WDR19: variants seen among roughly 807,000 people sequenced by gnomAD.
WDR19 encodes WD repeat-containing protein 19.
Under a neutral mutation model 180.0 loss-of-function variants are expected in WDR19, and 121 were observed. That is an observed-to-expected ratio of 0.67 (90% CI 0.58 to 0.78). The LOEUF (loss-of-function observed/expected upper bound fraction) is 0.78, where lower values mean the gene tolerates loss of function less well. Among genes scored for constraint, WDR19 ranks in the 30% least tolerant of loss-of-function variants. The probability of loss-of-function intolerance (pLI) is 0.00; values close to 1 mark genes in which losing one functional copy is unlikely to be tolerated. For missense variants in WDR19, 1,450 were observed against 1,640.7 expected (o/e 0.88, Z 2.01); for synonymous variants, 497 against 540.7 (o/e 0.92, Z 1.12).
chr4:39,239,094 T>C (rs1018628681), intron 20 of WDR19, among the ~76,000 whole-genome samples: 5 of 151,918 alleles, frequency 3.3e-5, no homozygotes, highest in Non-Finnish European at 7.4e-5. Context: ...CTCCTGCCCT[T>C]AGCCTCCCGA....
At chr4:39,270,483 C>G (rs1433595709) in intron 31 of WDR19, among the ~76,000 whole-genome samples, 1 of 152,188 alleles carries the variant, frequency 6.6e-6, no homozygotes, top group East Asian at 1.9e-4. Context: ...TCAAGCAATT[C>G]TTCTGCCTCA....
intron 36 of WDR19, among the ~76,000 whole-genome samples, chr4:39,282,340 A>G (rs763298289): frequency 9.2e-5 from 14 of 152,158 alleles, no homozygotes; most frequent in Admixed American, 2.0e-4. Flanking sequence ...ATCTATGAAT[A>G]TGGTATATCT....
intron 15 of WDR19, among the ~76,000 whole-genome samples, chr4:39,226,301 G>A (rs1306758457): frequency 6.6e-6 from 1 of 152,146 alleles, no homozygotes; most frequent in East Asian, 1.9e-4. Context: ...TCTTTTTCTT[G>A]ATAATTTCTG....
At chr4:39,214,773 ATTTT>A (rs372720511) in intron 10 of WDR19, 102 bp downstream of exon 10, 52 of 504,194 alleles carry the variant, frequency 1.0e-4, no homozygotes, top group Middle Eastern at 7.1e-4. Flanking sequence ...AGGAGGAATA[ATTTT>A]TTTTTTTTTT....
At chr4:39,213,294 T>C (rs1479284003) in intron 9 of WDR19, among the ~76,000 whole-genome samples, 3 of 152,224 alleles carry the variant, frequency 2.0e-5, no homozygotes, top group Non-Finnish European at 4.4e-5. Context: ...TGAATGTTTA[T>C]AGCAACTTTA....
intron 5 of WDR19, among the ~76,000 whole-genome samples, chr4:39,197,138 A>G (rs1577850051): frequency 1.3e-5 from 2 of 152,310 alleles, no homozygotes; most frequent in South Asian, 4.1e-4. Context: ...AGTAAGGAAT[A>G]GAAAGGTTGG....
chr4:39,265,370 C>T (rs1469961597), intron 28 of WDR19, among the ~76,000 whole-genome samples: 1 of 152,120 alleles, frequency 6.6e-6, no homozygotes, highest in Non-Finnish European at 1.5e-5. Flanking sequence ...AAGTACATTT[C>T]CTCAGGGAGC....
rs80232991 is a variant in WDR19, at chr4:39,267,807, A to G, written c.3262-188A>G. 7.7e-3 allele frequency among the ~76,000 whole-genome samples: 1,180 copies of G among 152,308 alleles called. 17 individuals are homozygous for G. Among genetic ancestry groups the G allele is most frequent in the African/African-American group, 0.027 (1,117 of 41,554 alleles). On this transcript the variant is annotated intron_variant, in intron 29 of 36. Transcript: ENST00000399820. ...TTAGTATTTCTCAAGTACTTAGAAT[A>G]CCACCTGGCCATATTGAGCTCTGAA...
chr4:39,186,174 A>G (rs1725517767), intron 2 of WDR19, among the ~76,000 whole-genome samples: 1 of 152,206 alleles, frequency 6.6e-6, no homozygotes, highest in Non-Finnish European at 1.5e-5. Context: ...CTTTATATAC[A>G]TAGATAAATG....
At chr4:39,218,165 T>G in intron 14 of WDR19, 60 bp downstream of exon 14, 1 of 1,544,934 alleles carries the variant, frequency 6.5e-7, no homozygotes, top group Admixed American at 1.9e-5. Flanking sequence ...TTTTGTGATC[T>G]CAGTCATTCT....
chr4:39,246,600 C>G (rs1253408323), intron 24 of WDR19, among the ~76,000 whole-genome samples: 1 of 152,210 alleles, frequency 6.6e-6, no homozygotes, highest in East Asian at 1.9e-4. Flanking sequence ...ATTCCCTTTC[C>G]TAGTCAAAGA....
chr4:39,217,151 G>GAT lies in WDR19; in HGVS notation c.1270_1271dup (p.Met424IlefsTer8). On this transcript the variant is annotated frameshift_variant, in exon 13 of 37. Transcript: ENST00000399820. LOFTEE classifies it high-confidence loss of function. Reference sequence around the variant, plus strand: ...TGCTACAGCTGTGAAAAAATTGAAAGATATGGAGTATCTGGGAACAGTAGC... The same window carrying GAT: ...TGCTACAGCTGTGAAAAAATTGAAAGATATATGGAGTATCTGGGAACAGTAGC... The GAT allele has an allele frequency of 6.2e-7, 1 of 1,606,512 alleles. No homozygotes were observed. Among genetic ancestry groups the GAT allele is most frequent in the Non-Finnish European group, 8.5e-7 (1 of 1,176,534 alleles).
chr4:39,240,259 C>G lies in WDR19; in HGVS notation c.2364-18C>G, dbSNP rs1357135173. ...TATATATTAAAATTATTAAAATTCA[C>G]TCTTATTTTTTTTTCAGGGGTGATT... On this transcript the variant is annotated intron_variant, in intron 20 of 36. Coordinates refer to ENST00000399820, the MANE Select transcript of WDR19 (RefSeq NM_025132.4). 8.2e-6 allele frequency: 10 copies of G among 1,222,564 alleles called. No homozygotes were observed. Among genetic ancestry groups the G allele is most frequent in the Non-Finnish European group, 1.1e-5 (10 of 950,762 alleles). 75.7% of individuals were successfully genotyped at this position (1,222,564 alleles called of 1,614,324 possible).
chr4:39,199,544 A>G lies in WDR19; in HGVS notation c.473A>G (p.Glu158Gly), dbSNP rs1251436794. The G allele has an allele frequency of 6.2e-7, 1 of 1,613,506 alleles. No homozygotes were observed. The highest frequency in any genetic ancestry group is 1.1e-5 in the South Asian group (1 of 91,054). ...GAAAATCTGCTTGCTTTAGGTGGTG[A>G]AGATAAAATGATTACAGTTAGTAAT... ...NAENLLALGG[E>G]DKMITVSNQE... The change falls in exon 6 of 37, where the codon GAA (glutamate) becomes GGA (glycine). Residue 158 changes from glutamate to glycine, a missense_variant. Physicochemically the swap from Glu to Gly is moderately conservative, Grantham distance 98. Transcript: ENST00000399820.
In WDR19 at chr4:39,189,572, A is replaced by G. The variant is rs543053220; in HGVS notation, c.165-84A>G. 28 of 1,254,482 alleles carry G rather than the reference A, an allele frequency of 2.2e-5. No individual in the cohort carries two copies. The African/African-American group carries it at 4.0e-4, about 18-fold the overall frequency. 77.7% of individuals were successfully genotyped at this position (1,254,482 alleles called of 1,614,324 possible). A position where few individuals can be genotyped will look rare whatever the true frequency, so the allele number is the denominator to read the frequency against. On this transcript the variant is annotated intron_variant, in intron 3 of 36. Coordinates refer to ENST00000399820, the MANE Select transcript of WDR19 (RefSeq NM_025132.4). Reference sequence around the variant, plus strand: ...TTATTATCTGTTCAAAATAGATTGAATAATCTTGTTATAGACAAAAATCAC... The same window carrying G: ...TTATTATCTGTTCAAAATAGATTGAGTAATCTTGTTATAGACAAAAATCAC...
At chr4:39,276,550 T>C (rs1735916889) in intron 33 of WDR19, among the ~76,000 whole-genome samples, 1 of 152,238 alleles carries the variant, frequency 6.6e-6, no homozygotes, top group African/African-American at 2.4e-5. Flanking sequence ...GCACTACCCG[T>C]ATTTCAAGTG....
chr4:39,235,301 A>G lies in WDR19; in HGVS notation c.2363+426A>G, dbSNP rs186408019. 8.6e-5 allele frequency among the ~76,000 whole-genome samples: 13 copies of G among 151,818 alleles called. No individual in the cohort carries two copies. In the East Asian group the frequency reaches 2.3e-3, roughly 27 times the overall value. On this transcript the variant is annotated intron_variant, in intron 20 of 36. Coordinates refer to ENST00000399820, the MANE Select transcript of WDR19 (RefSeq NM_025132.4). ...ACCACAAGGCCTGGCTAATTTTTAA[A>G]TTTTTTTTAATTTTTAGAGAGACAG...
At chr4:39,263,366 C>T (rs1245193186) in intron 28 of WDR19, among the ~76,000 whole-genome samples, 4 of 152,298 alleles carry the variant, frequency 2.6e-5, no homozygotes, top group South Asian at 2.1e-4. Flanking sequence ...TATTATACTA[C>T]GTCTTTCTGG....
intron 21 of WDR19, among the ~76,000 whole-genome samples, chr4:39,241,694 G>T (rs1236135537): frequency 6.6e-6 from 1 of 151,064 alleles, no homozygotes; most frequent in African/African-American, 2.4e-5. Context: ...TACTCGGGTA[G>T]CTGAGGCAGG....
Sources: gnomAD v4.1 joint callset for allele counts (sites outside exome capture counted in the v4.1 genomes callset) on GRCh38, gnomAD v4.1.1 for gene constraint, MANE v1.5 for transcripts, NCBI Gene and HGNC (gene_info 2026-07-23, HGNC 2026-07-21) for gene names.